Variants in POLR1C observed in about 807,000 individuals in gnomAD.
The protein encoded by POLR1C is RNA polymerase I and III subunit C.
Under a neutral mutation model 38.3 loss-of-function variants are expected in POLR1C, and 42 were observed. The observed-to-expected ratio is 1.10, with a 90% CI of 0.86 to 1.42. The LOEUF (loss-of-function observed/expected upper bound fraction) is 1.42, where lower values mean the gene tolerates loss of function less well. Among genes scored for constraint, POLR1C ranks in the 40% most tolerant of loss-of-function variants. The pLI is 0.00. For missense variants in POLR1C, 507 were observed against 450.5 expected, an observed-to-expected ratio of 1.13 and a Z score of -1.14; for synonymous variants, 163 against 163.9, an observed-to-expected ratio of 0.99 and a Z score of 0.04.
At chr6:43,558,681 A>T in intron 10 of POLR1C, 1 of 971,106 alleles carries the variant, frequency 1.0e-6, no homozygotes, top group Non-Finnish European at 1.5e-6. Flanking sequence ...CTTTTAATTT[A>T]TTTAAGAGTT....
chr6:43,539,517 C>T (rs1362678276), intron 9 of POLR1C: 42 of 1,532,600 alleles, frequency 2.7e-5, no homozygotes, highest in South Asian at 4.5e-5. Flanking sequence ...AGCTTGGTGA[C>T]GGGCATCCAC....
In POLR1C at chr6:43,529,235, C is replaced by T. The variant is rs1793790843; in HGVS notation, c.923-14C>T. On this transcript the variant is annotated splice_polypyrimidine_tract_variant and intron_variant, in intron 8 of 8. Transcript: ENST00000304004. ...GTAACAAACTCTCCTTCACCATTCT[C>T]CTTATAATTTCAGGTAAGAAAGATT... The T allele has an allele frequency of 2.2e-6, 3 of 1,394,252 alleles. No individual in the cohort carries two copies. In the African/African-American group the frequency reaches 4.4e-5, roughly 20 times the overall value. The allele number at this position is 1,394,252 out of a possible 1,614,324, so 86.4% of individuals were successfully genotyped here. A position where few individuals can be genotyped will look rare whatever the true frequency, so the allele number is the denominator to read the frequency against.
intron 2 of POLR1C, among the ~76,000 whole-genome samples, chr6:43,517,970 T>A (rs746193120): frequency 1.1e-4 from 17 of 152,100 alleles, no homozygotes; most frequent in Non-Finnish European, 2.2e-4. Context: ...AAAATTTTAC[T>A]TTTTTAACCT....
At chr6:43,531,689 G>T, downstream of POLR1C, 1 of 888,126 alleles carries the variant, frequency 1.1e-6, no homozygotes, top group Non-Finnish European at 1.9e-6. Context: ...CATGTCTGGT[G>T]CTGTACTGCA....
chr6:43,533,621 G>C, downstream of POLR1C: 1 of 229,542 alleles, frequency 4.4e-6, no homozygotes, highest in East Asian at 1.0e-4. Flanking sequence ...AGGACTGCTT[G>C]ATGATAAGAG....
chr6:43,549,406 C>A (rs569193004), intron 9 of POLR1C: 1 of 1,368,700 alleles, frequency 7.3e-7, no homozygotes, highest in Admixed American at 2.4e-5. Flanking sequence ...CTAGTTTTTT[C>A]TTTATGTGAG....
chr6:43,527,375 G>C (rs180910727), intron 8 of POLR1C: 10 of 296,644 alleles, frequency 3.4e-5, no homozygotes, highest in African/African-American at 2.2e-4. Flanking sequence ...GGGTTCAAGC[G>C]ATTCTCCTAC....
rs752393230 is a variant in POLR1C at position 43,521,185 on chromosome 6, C to T, written c.926C>T (p.Ser309Phe). The T allele has an allele frequency of 6.2e-7, 1 of 1,614,154 alleles. No individual in the cohort carries two copies. The highest frequency in any genetic ancestry group is 1.7e-5 in the Admixed American group (1 of 60,026). The change falls in exon 9 of 9, where the codon TCT (serine) becomes TTT (phenylalanine). Residue 309 changes from serine to phenylalanine, a missense_variant. Coordinates refer to ENST00000642195, the MANE Select transcript of POLR1C (RefSeq NM_203290.4). ...LARVRDHYIF[S>F]VESTGVLPPD... ...AAAGTGTCTCTTTGGTCCCCAGTCTCTGTTGAGTCAACGGGGGTGTTGCCA... is the reference window on the plus strand; with the variant it reads ...AAAGTGTCTCTTTGGTCCCCAGTCTTTGTTGAGTCAACGGGGGTGTTGCCA...
downstream of POLR1C, chr6:43,525,010 T>C (rs942104596): frequency 1.2e-6 from 2 of 1,603,616 alleles, no homozygotes; most frequent in Non-Finnish European, 1.7e-6. Context: ...GGGGCCTCTC[T>C]CAAGGCCTCA....
At chr6:43,534,112 A>G, downstream of POLR1C, 1 of 789,324 alleles carries the variant, frequency 1.3e-6, no homozygotes, top group Non-Finnish European at 2.0e-6. Flanking sequence ...AGATCTGCCC[A>G]TCAACTCCTG....
chr6:43,540,420 A>T (rs1794630018), intron 9 of POLR1C, among the ~76,000 whole-genome samples: 1 of 152,186 alleles, frequency 6.6e-6, no homozygotes, highest in African/African-American at 2.4e-5. Flanking sequence ...CAGAGCTTGC[A>T]GTGAGCCGAG....
At chr6:43,523,814 A>G (rs184157837), downstream of POLR1C, 205 of 1,613,622 alleles carry the variant, frequency 1.3e-4, no homozygotes, top group African/African-American at 2.5e-3. Flanking sequence ...ATCGGCTACA[A>G]AGGGAAAGAA....
At chr6:43,531,711 TACGTGATTTGCTGC>T, downstream of POLR1C, 1 of 738,116 alleles carries the variant, frequency 1.4e-6, no homozygotes, top group Middle Eastern at 2.4e-4. Flanking sequence ...AGCAGTTGGC[TACGTGATTTGCTGC>T]ACTCTTTTGG....
chr6:43,517,426 G>C, intron 2 of POLR1C, 49 bp downstream of exon 2: 1 of 1,495,422 alleles, frequency 6.7e-7, no homozygotes, highest in Non-Finnish European at 9.3e-7. Flanking sequence ...GCCAGACCTT[G>C]TGGTCTGAGC....
chr6:43,528,014 C>T, intron 8 of POLR1C: 7 of 846,304 alleles, frequency 8.3e-6, no homozygotes, highest in Non-Finnish European at 1.9e-6. Context: ...CCTGTCCAGA[C>T]AAGCCATGTA....
At chr6:43,556,029 G>A in intron 10 of POLR1C, 1 of 1,582,394 alleles carries the variant, frequency 6.3e-7, no homozygotes, top group South Asian at 1.1e-5. Context: ...AGTACTTAAT[G>A]TTTATTAATT....
chr6:43,528,821 C>G (rs752933412), intron 8 of POLR1C: 2 of 1,612,954 alleles, frequency 1.2e-6, no homozygotes, highest in African/African-American at 2.7e-5. Context: ...CCTGACTTAT[C>G]TCTTACCATA....
At chr6:43,542,988 C>T (rs1403342088) in intron 9 of POLR1C, among the ~76,000 whole-genome samples, 1 of 152,042 alleles carries the variant, frequency 6.6e-6, no homozygotes, top group Non-Finnish European at 1.5e-5. Context: ...TGAATAGTTA[C>T]AGCATATTCA....
At chr6:43,521,110 C>A in intron 8 of POLR1C, 62 bp downstream of exon 8, 1 of 1,598,734 alleles carries the variant, frequency 6.3e-7, no homozygotes, top group South Asian at 1.1e-5. Context: ...TCCTTCCAGT[C>A]TAGATGTGAA....
Sources: allele counts gnomAD v4.1 joint callset (sites outside exome capture counted in the v4.1 genomes callset), GRCh38; gene constraint gnomAD v4.1.1; transcripts MANE v1.5; gene names NCBI Gene and HGNC (gene_info 2026-07-23, HGNC 2026-07-21).